The following SLC35F1 variants were observed in gnomAD, a reference collection of about 807,000 sequenced individuals.
SLC35F1 encodes the protein chromosome 6 open reading frame 169.
A neutral mutation model predicts 48.7 loss-of-function variants in SLC35F1; 14 were observed. The observed-to-expected ratio is 0.29, with a 90% CI of 0.19 to 0.45. SLC35F1 has a LOEUF of 0.45. Among genes scored for constraint, SLC35F1 ranks in the 20% least tolerant of loss-of-function variants. The pLI, the probability that SLC35F1 is intolerant of heterozygous loss-of-function variation, is 1.00. For synonymous variants in SLC35F1, 190 were observed against 202.2 expected (o/e 0.94, Z 0.51); for missense variants, 404 against 500.0 (o/e 0.81, Z 1.83).
chr6:118,224,457 T>C (rs987364184), intron 2 of SLC35F1, among the ~76,000 whole-genome samples: 1 of 152,180 alleles, frequency 6.6e-6, no homozygotes, highest in Non-Finnish European at 1.5e-5. Context: ...TGCAGTGACA[T>C]GATCTCAGCT....
At chr6:118,187,700 C>A (rs900855276) in intron 2 of SLC35F1, among the ~76,000 whole-genome samples, 1 of 152,186 alleles carries the variant, frequency 6.6e-6, no homozygotes, top group African/African-American at 2.4e-5. Flanking sequence ...TTTTAGGAAG[C>A]ATATTAATCT....
At chr6:118,259,751 A>C (rs1236007585) in intron 3 of SLC35F1, among the ~76,000 whole-genome samples, 5 of 152,064 alleles carry the variant, frequency 3.3e-5, no homozygotes, top group African/African-American at 1.2e-4. Context: ...AAGAGAAACT[A>C]GAACCCTTGT....
chr6:117,970,226 C>T (rs911041843), intron 1 of SLC35F1, among the ~76,000 whole-genome samples: 15 of 152,152 alleles, frequency 9.9e-5, no homozygotes, highest in Admixed American at 5.9e-4. Context: ...ACAGAGTTCA[C>T]CTATAATGCT....
chr6:117,920,589 A>T (rs1980748), intron 1 of SLC35F1, among the ~76,000 whole-genome samples: 120,357 of 152,116 alleles, frequency 0.79, 47,780 homozygotes, highest in South Asian at 0.9. Context: ...GGCTCCAAGA[A>T]TGCTAGATGG....
intron 1 of SLC35F1, among the ~76,000 whole-genome samples, chr6:118,117,338 A>G (rs939500298): frequency 2.0e-5 from 3 of 152,258 alleles, no homozygotes; most frequent in African/African-American, 4.8e-5. Flanking sequence ...TTGCTTCTCC[A>G]ATGACAATGT....
chr6:117,919,958 G>C (rs114903250), intron 1 of SLC35F1, among the ~76,000 whole-genome samples: 1 of 152,150 alleles, frequency 6.6e-6, no homozygotes, highest in Non-Finnish European at 1.5e-5. Flanking sequence ...GGCCTAAAAG[G>C]CTCCACAGAG....
chr6:118,190,115 C>T, intron 2 of SLC35F1, among the ~76,000 whole-genome samples: 1 of 152,140 alleles, frequency 6.6e-6, no homozygotes. Flanking sequence ...TCGTTTTCTT[C>T]ATTTTGAGAG....
chr6:118,211,506 C>T (rs752223559), intron 2 of SLC35F1, among the ~76,000 whole-genome samples: 7 of 152,134 alleles, frequency 4.6e-5, no homozygotes, highest in Non-Finnish European at 1.0e-4. Flanking sequence ...TAAATATATG[C>T]TAAATAAATG....
intron 2 of SLC35F1, among the ~76,000 whole-genome samples, chr6:118,204,881 A>G (rs1774914612): frequency 6.6e-6 from 1 of 152,136 alleles, no homozygotes; most frequent in African/African-American, 2.4e-5. Flanking sequence ...TAGCCACACT[A>G]AGCATTAAAG....
intron 1 of SLC35F1, among the ~76,000 whole-genome samples, chr6:118,127,432 C>G (rs1363672928): frequency 6.6e-6 from 1 of 151,874 alleles, no homozygotes; most frequent in African/African-American, 2.4e-5. Flanking sequence ...GGATATTGGT[C>G]TAAAATTCTC....
intron 1 of SLC35F1, among the ~76,000 whole-genome samples, chr6:117,992,106 A>G (rs1265383789): frequency 6.6e-6 from 1 of 152,070 alleles, no homozygotes; most frequent in African/African-American, 2.4e-5. Flanking sequence ...GCCTTTTCCC[A>G]TCCTGAGATC....
intron 1 of SLC35F1, among the ~76,000 whole-genome samples, chr6:117,979,623 A>G (rs991338041): frequency 2.0e-5 from 3 of 152,116 alleles, no homozygotes; most frequent in African/African-American, 4.8e-5. Context: ...AAAAGAGAAA[A>G]TCTTGCTTAA....
intron 1 of SLC35F1, among the ~76,000 whole-genome samples, chr6:117,973,483 G>A (rs1382408509): frequency 2.0e-5 from 3 of 152,148 alleles, no homozygotes; most frequent in Non-Finnish European, 4.4e-5. Flanking sequence ...CTGGTTTGAT[G>A]ATGATATGCT....
intron 1 of SLC35F1, among the ~76,000 whole-genome samples, chr6:117,983,356 C>A (rs1776806952): frequency 6.6e-6 from 1 of 152,110 alleles, no homozygotes; most frequent in Non-Finnish European, 1.5e-5. Context: ...GCTGGCGGAT[C>A]ACGAGGTCAG....
At chr6:118,063,179 T>C (rs961823500) in intron 1 of SLC35F1, among the ~76,000 whole-genome samples, 1 of 152,194 alleles carries the variant, frequency 6.6e-6, no homozygotes, top group Admixed American at 6.5e-5. Flanking sequence ...TTGTTTGTAT[T>C]GAATTTATCA....
intron 1 of SLC35F1, among the ~76,000 whole-genome samples, chr6:118,103,020 T>C (rs1348193824): frequency 6.6e-6 from 1 of 152,182 alleles, no homozygotes; most frequent in East Asian, 1.9e-4. Context: ...AACCACCAGG[T>C]CTACCTTCCA....
intron 1 of SLC35F1, among the ~76,000 whole-genome samples, chr6:117,941,081 C>T (rs1297222565): frequency 6.6e-6 from 1 of 152,154 alleles, no homozygotes; most frequent in African/African-American, 2.4e-5. Flanking sequence ...GATCCCTGGT[C>T]ATGGTTTATC....
chr6:118,250,134 C>A (rs1775555137), intron 3 of SLC35F1, among the ~76,000 whole-genome samples: 1 of 152,324 alleles, frequency 6.6e-6, no homozygotes. Flanking sequence ...GCTCAACTGT[C>A]ATCTTTTCAG....
intron 3 of SLC35F1, among the ~76,000 whole-genome samples, chr6:118,250,546 G>A (rs920851071): frequency 6.6e-5 from 10 of 152,198 alleles, no homozygotes; most frequent in African/African-American, 2.2e-4. Flanking sequence ...ACGTATGGGA[G>A]CCCCTCAGGG....
Sources: gnomAD v4.1 joint callset for allele counts (sites outside exome capture counted in the v4.1 genomes callset) on GRCh38, gnomAD v4.1.1 for gene constraint, MANE v1.5 for transcripts, NCBI Gene and HGNC (gene_info 2026-07-23, HGNC 2026-07-21) for gene names.